GSTO2: variants seen among roughly 807,000 people sequenced by gnomAD.
GSTO2 encodes the protein glutathione S-transferase omega 2, also known as glutathione S-transferase omega-2.
In GSTO2, 23 loss-of-function variants were observed where a neutral mutation model predicts 28.4. That is an observed-to-expected ratio of 0.81 (90% CI 0.58 to 1.15). GSTO2 has a LOEUF of 1.15. Ranked by LOEUF, GSTO2 falls within the 50% of genes most tolerant of loss-of-function variation. GSTO2 has a pLI of 0.00. For missense variants in GSTO2, 298 were observed against 297.8 expected (o/e 1.00, Z 0.00); for synonymous variants, 109 against 111.0 (o/e 0.98, Z 0.11).
intron 1 of GSTO2, among the ~76,000 whole-genome samples, chr10:104,274,107 G>A (rs2011524107): frequency 6.6e-6 from 1 of 152,212 alleles, no homozygotes; most frequent in Non-Finnish European, 1.5e-5. Flanking sequence ...ATATGGCTGG[G>A]CTGTTGGCAA....
chr10:104,275,478 G>T, intron 3 of GSTO2, 144 bp downstream of exon 3: 1 of 676,940 alleles, frequency 1.5e-6, no homozygotes, highest in Non-Finnish European at 2.5e-6. Flanking sequence ...AAATAGCAAA[G>T]GGCGAGCTTT....
intron 1 of GSTO2, among the ~76,000 whole-genome samples, chr10:104,272,003 C>T (rs12261808): frequency 0.075 from 11,335 of 152,118 alleles, 1,400 homozygotes; most frequent in African/African-American, 0.26. Context: ...CCAGTCACAA[C>T]GTGATATGTG....
chr10:104,292,248 T>C (rs1209186262), intron 5 of GSTO2, among the ~76,000 whole-genome samples: 1 of 151,704 alleles, frequency 6.6e-6, no homozygotes, highest in Non-Finnish European at 1.5e-5. Context: ...GCTGTGTTTG[T>C]TGCCCAGGCT....
intron 1 of GSTO2, among the ~76,000 whole-genome samples, chr10:104,270,963 A>G (rs45618938): frequency 0.03 from 4,537 of 152,352 alleles, 253 homozygotes; most frequent in African/African-American, 0.1. Context: ...AGATCCGATC[A>G]TATTTCAGGT....
chr10:104,298,425 C>T (rs2013143426), intron 6 of GSTO2, among the ~76,000 whole-genome samples: 1 of 152,240 alleles, frequency 6.6e-6, no homozygotes, highest in Admixed American at 6.5e-5. Flanking sequence ...CTGTCTCCTG[C>T]ACTTCCGACT....
intron 2 of GSTO2, 83 bp from the exon 3 acceptor site, chr10:104,275,143 G>A: frequency 6.5e-7 from 1 of 1,531,992 alleles, no homozygotes; most frequent in Non-Finnish European, 8.8e-7. Context: ...GCCATCTTGG[G>A]ATCTGGGCAA....
Position 104,303,552 on chromosome 10 carries a change from G to A in GSTO2, c.*4268G>A, listed in dbSNP as rs1164247845. Reference sequence around the variant, plus strand: ...TTTGTGAGCAAAGAAATTATGTTAAGTTGGAACTTATATTTACAGGGGAAG... The same window carrying A: ...TTTGTGAGCAAAGAAATTATGTTAAATTGGAACTTATATTTACAGGGGAAG... On this transcript the variant is annotated 3_prime_UTR_variant, in exon 7 of 7. Transcript: ENST00000338595. 6.6e-6 allele frequency: 1 copy of A among 152,228 alleles called. No homozygotes were observed. The highest frequency in any genetic ancestry group is 2.4e-5 in the African/African-American group (1 of 41,466). 9.4% of individuals were successfully genotyped at this position (152,228 alleles called of 1,614,324 possible).
intron 5 of GSTO2, among the ~76,000 whole-genome samples, chr10:104,292,855 A>G (rs1218023750): frequency 6.6e-6 from 1 of 152,228 alleles, no homozygotes; most frequent in East Asian, 1.9e-4. Context: ...AAGTGGATCT[A>G]GATCTAACAC....
chr10:104,284,405 G>A (rs749395312), intron 5 of GSTO2, among the ~76,000 whole-genome samples: 2 of 152,004 alleles, frequency 1.3e-5, no homozygotes, highest in African/African-American at 4.8e-5. Flanking sequence ...GATTTATTGT[G>A]CTTGTTATAT....
Position 104,277,780 on chromosome 10 carries a change from A to G in GSTO2, c.144-114A>G, listed in dbSNP as rs899486926. On this transcript the variant is annotated intron_variant, in intron 3 of 6. Coordinates refer to ENST00000338595, the MANE Select transcript of GSTO2 (RefSeq NM_183239.2). The stretch of plus-strand genomic sequence containing the variant: ...ATTTTATACAAAACTTAAACCTTAA[A>G]ACACTAATTGCAAATTTTAACTTTT... The G allele has an allele frequency of 6.7e-5, 45 of 669,928 alleles. 1 individual carries two copies. Among genetic ancestry groups the G allele is most frequent in the Middle Eastern group, 2.8e-4 (1 of 3,516 alleles). The allele number at this position is 669,928 out of a possible 1,614,324, so 41.5% of individuals were successfully genotyped here. A position where few individuals can be genotyped will look rare whatever the true frequency, so the allele number is the denominator to read the frequency against.
At chr10:104,291,989 A>G (rs912850087) in intron 5 of GSTO2, among the ~76,000 whole-genome samples, 8 of 152,082 alleles carry the variant, frequency 5.3e-5, no homozygotes, top group Admixed American at 5.2e-4. Flanking sequence ...AAATGTGTCA[A>G]TGTTTTCAGA....
chr10:104,284,197 A>G (rs1247395152), intron 5 of GSTO2, among the ~76,000 whole-genome samples: 1 of 151,978 alleles, frequency 6.6e-6, no homozygotes, highest in East Asian at 1.9e-4. Context: ...TTATCTCTAC[A>G]AAAAATACAA....
In GSTO2 at chr10:104,278,019, G is replaced by T. The variant is rs2011749224; in HGVS notation, c.269G>T (p.Cys90Phe). Residue 90 changes from cysteine to phenylalanine, a missense_variant, in exon 4 of 7, where the codon TGT (cysteine) becomes TTT (phenylalanine). Physicochemically the swap from Cys to Phe is radical, Grantham distance 205. Transcript: ENST00000338595. ...CTGATCTATGAATCTGTTATTGCTT[G>T]TGAGTACCTGGATGATGCTTATCCA... is the stretch of plus-strand genomic sequence containing the variant. ...CQLIYESVIA[C>F]EYLDDAYPGR... is the part of the protein sequence containing the mutation. 1.9e-6 allele frequency: 3 copies of T among 1,614,058 alleles called. No individual in the cohort carries two copies. Among genetic ancestry groups the T allele is most frequent in the Non-Finnish European group, 2.5e-6 (3 of 1,180,020 alleles).
intron 6 of GSTO2, 53 bp downstream of exon 6, chr10:104,297,737 A>G (rs996407429): frequency 1.1e-5 from 13 of 1,215,912 alleles, no homozygotes; most frequent in Middle Eastern, 1.9e-4. Flanking sequence ...CTGAGTAACA[A>G]TGGTTAAGAT....
chr10:104,291,858 T>A (rs1198340136), intron 5 of GSTO2, among the ~76,000 whole-genome samples: 2 of 152,232 alleles, frequency 1.3e-5, no homozygotes, highest in Non-Finnish European at 2.9e-5. Flanking sequence ...GCAAAGTATC[T>A]AGCATACTAA....
intron 5 of GSTO2, chr10:104,296,789 T>G (rs1180418269): frequency 6.6e-6 from 1 of 150,886 alleles, no homozygotes; most frequent in African/African-American, 2.4e-5. Flanking sequence ...TTCTTTTTTC[T>G]TTTTTTCTTT....
At chr10:104,285,996 C>G (rs1266090545) in intron 5 of GSTO2, 1 of 350,368 alleles carries the variant, frequency 2.9e-6, no homozygotes, top group Non-Finnish European at 5.6e-6. Flanking sequence ...TTTCTGTATC[C>G]TTTTATATAT....
Position 104,299,289 on chromosome 10 carries a change from C to T in GSTO2, c.*5C>T. On this transcript the variant is annotated 3_prime_UTR_variant, in exon 7 of 7. Coordinates refer to ENST00000338595, the MANE Select transcript of GSTO2 (RefSeq NM_183239.2). ...TTTGACTTTGGGCTGTGCTGAGTCTCACTGTCCACCCCTTCGCTGTCCAGA... is the reference window on the plus strand; with the variant it reads ...TTTGACTTTGGGCTGTGCTGAGTCTTACTGTCCACCCCTTCGCTGTCCAGA... 4.3e-6 allele frequency: 7 copies of T among 1,613,948 alleles called. No homozygotes were observed. The highest frequency in any genetic ancestry group is 5.9e-6 in the Non-Finnish European group (7 of 1,179,944).
intron 5 of GSTO2, among the ~76,000 whole-genome samples, chr10:104,279,840 C>CT (rs1266150060): frequency 6.6e-6 from 1 of 152,102 alleles, no homozygotes; most frequent in African/African-American, 2.4e-5. Context: ...GGTTTACTCT[C>CT]TCACATAACA....
Sources: allele counts gnomAD v4.1 joint callset (sites outside exome capture counted in the v4.1 genomes callset), GRCh38; gene constraint gnomAD v4.1.1; transcripts MANE v1.5; gene names NCBI Gene and HGNC (gene_info 2026-07-23, HGNC 2026-07-21).